SLC2A13: variants seen among roughly 807,000 people sequenced by gnomAD.
SLC2A13 encodes solute carrier family 2 member 13, also known as proton myo-inositol cotransporter.
A neutral mutation model predicts 64.4 loss-of-function variants in SLC2A13; 32 were observed. The observed-to-expected ratio is 0.50, with a 90% CI of 0.37 to 0.67. SLC2A13 has a LOEUF of 0.67. Ranked by LOEUF, SLC2A13 falls within the 30% of genes least tolerant of loss-of-function variation. The pLI is 0.00. For synonymous variants in SLC2A13, 338 were observed against 327.1 expected, an observed-to-expected ratio of 1.03 and a Z score of -0.36; for missense variants, 743 against 829.2, an observed-to-expected ratio of 0.90 and a Z score of 1.28.
At chr12:39,785,294 A>C (rs1941145815) in intron 7 of SLC2A13, among the ~76,000 whole-genome samples, 2 of 152,172 alleles carry the variant, frequency 1.3e-5, no homozygotes, top group Admixed American at 1.3e-4. Flanking sequence ...CTCCAGCCAC[A>C]GCTGAAAGGG....
chr12:39,990,751 C>T (rs764548264), intron 3 of SLC2A13, among the ~76,000 whole-genome samples: 1 of 152,174 alleles, frequency 6.6e-6, no homozygotes, highest in Non-Finnish European at 1.5e-5. Context: ...AATATCCATA[C>T]TTTATGTATG....
chr12:39,922,261 T>A (rs1342641123), intron 4 of SLC2A13, among the ~76,000 whole-genome samples: 1 of 152,236 alleles, frequency 6.6e-6, no homozygotes, highest in Non-Finnish European at 1.5e-5. Context: ...ATATAATCTT[T>A]TCTGATGTAA....
chr12:40,032,412 T>TA (rs2136220831), intron 2 of SLC2A13, among the ~76,000 whole-genome samples: 1 of 152,330 alleles, frequency 6.6e-6, no homozygotes, highest in African/African-American at 2.4e-5. Flanking sequence ...TTTCTAAACT[T>TA]ACAGTTACAA....
intron 4 of SLC2A13, among the ~76,000 whole-genome samples, chr12:39,896,468 A>T (rs895121864): frequency 6.9e-6 from 1 of 144,350 alleles, no homozygotes; most frequent in African/African-American, 2.6e-5. Flanking sequence ...ATATGTATAC[A>T]TATATGTATA....
At chr12:40,026,122 C>G (rs996289681) in intron 3 of SLC2A13, among the ~76,000 whole-genome samples, 5 of 152,190 alleles carry the variant, frequency 3.3e-5, no homozygotes, top group Non-Finnish European at 5.9e-5. Flanking sequence ...CAATAATGCT[C>G]TTAACTGCGT....
At chr12:40,091,653 TA>T (rs934959943) in intron 1 of SLC2A13, among the ~76,000 whole-genome samples, 2 of 152,210 alleles carry the variant, frequency 1.3e-5, no homozygotes, top group Non-Finnish European at 2.9e-5. Flanking sequence ...CCAGAAACTA[TA>T]AAGGTGAAAT....
intron 6 of SLC2A13, among the ~76,000 whole-genome samples, chr12:39,850,834 T>C (rs1943446771): frequency 6.6e-6 from 1 of 152,194 alleles, no homozygotes; most frequent in Non-Finnish European, 1.5e-5. Context: ...GCCATAATAA[T>C]GTATCCATTT....
intron 7 of SLC2A13, among the ~76,000 whole-genome samples, chr12:39,824,256 T>G (rs1255572904): frequency 6.6e-6 from 1 of 152,236 alleles, no homozygotes; most frequent in East Asian, 1.9e-4. Context: ...GCTTCCCCAG[T>G]GGCAATTTTT....
intron 3 of SLC2A13, among the ~76,000 whole-genome samples, chr12:39,988,697 GGA>G (rs1947077794): frequency 1.5e-4 from 7 of 46,914 alleles, no homozygotes; most frequent in Admixed American, 3.4e-4. Flanking sequence ...GAGGGAGGAA[GGA>G]AGGAAGGAAG....
At chr12:39,927,769 T>G (rs1490500772) in intron 4 of SLC2A13, among the ~76,000 whole-genome samples, 1 of 152,164 alleles carries the variant, frequency 6.6e-6, no homozygotes, top group African/African-American at 2.4e-5. Flanking sequence ...TTAATTAATT[T>G]GACAAGTTTA....
chr12:40,024,164 T>G (rs886207571), intron 3 of SLC2A13, among the ~76,000 whole-genome samples: 7 of 152,188 alleles, frequency 4.6e-5, no homozygotes, highest in African/African-American at 1.2e-4. Context: ...CAATATGATA[T>G]AAACTAGGAA....
chr12:39,981,438 TA>T (rs1305752562), intron 3 of SLC2A13, among the ~76,000 whole-genome samples: 1 of 149,742 alleles, frequency 6.7e-6, no homozygotes. Context: ...GCAAGACTAA[TA>T]AAGAAAAAAA....
intron 4 of SLC2A13, among the ~76,000 whole-genome samples, chr12:39,905,168 A>T (rs911685777): frequency 6.6e-6 from 1 of 152,142 alleles, no homozygotes; most frequent in Admixed American, 6.6e-5. Context: ...AACAACTAAG[A>T]AAAATGCTTT....
At chr12:39,936,774 G>GA (rs1293633196) in intron 4 of SLC2A13, among the ~76,000 whole-genome samples, 15 of 152,152 alleles carry the variant, frequency 9.9e-5, no homozygotes, top group African/African-American at 3.4e-4. Context: ...AGGATTATAA[G>GA]GGGAGGGGCA....
chr12:39,899,903 A>G (rs1203436060), intron 4 of SLC2A13, among the ~76,000 whole-genome samples: 1 of 152,028 alleles, frequency 6.6e-6, no homozygotes, highest in Non-Finnish European at 1.5e-5. Context: ...CCTTCCAACT[A>G]TGTGGTCAAT....
At chr12:39,922,637 C>T (rs1945633858) in intron 4 of SLC2A13, among the ~76,000 whole-genome samples, 1 of 152,184 alleles carries the variant, frequency 6.6e-6, no homozygotes, top group African/African-American at 2.4e-5. Context: ...TTATACAATA[C>T]AATGACTTTT....
intron 3 of SLC2A13, among the ~76,000 whole-genome samples, chr12:40,002,482 C>A (rs1223131611): frequency 1.3e-5 from 2 of 152,028 alleles, no homozygotes; most frequent in Non-Finnish European, 2.9e-5. Context: ...CAGAAAGCAA[C>A]AAAATAAATA....
At chr12:39,995,840 G>C (rs1436055420) in intron 3 of SLC2A13, among the ~76,000 whole-genome samples, 1 of 152,144 alleles carries the variant, frequency 6.6e-6, no homozygotes, top group Non-Finnish European at 1.5e-5. Flanking sequence ...CCCTGCACAA[G>C]CTGCCGCTCT....
chr12:40,076,385 T>C (rs955272526), intron 1 of SLC2A13, among the ~76,000 whole-genome samples: 1 of 152,144 alleles, frequency 6.6e-6, no homozygotes, highest in Non-Finnish European at 1.5e-5. Flanking sequence ...TGTTTAGCTC[T>C]TACTTATAAG....
Sources: gnomAD v4.1 joint callset for allele counts (sites outside exome capture counted in the v4.1 genomes callset) on GRCh38, gnomAD v4.1.1 for gene constraint, MANE v1.5 for transcripts, NCBI Gene and HGNC (gene_info 2026-07-23, HGNC 2026-07-21) for gene names.